The following KCNQ1 variants were observed in gnomAD, a reference collection of about 807,000 sequenced individuals.
The protein encoded by KCNQ1 is potassium voltage-gated channel subfamily Q member 1, also known as potassium voltage-gated channel subfamily KQT member 1.
In KCNQ1, 49 loss-of-function variants were observed where a neutral mutation model predicts 72.4. The ratio of observed to expected loss-of-function variants is 0.68; its 90% CI spans 0.54 to 0.86. The LOEUF (loss-of-function observed/expected upper bound fraction) is 0.86, where lower values mean the gene tolerates loss of function less well. Among genes scored for constraint, KCNQ1 ranks in the 40% least tolerant of loss-of-function variants. The pLI, the probability that KCNQ1 is intolerant of heterozygous loss-of-function variation, is 0.00. For synonymous variants in KCNQ1, 450 were observed against 412.6 expected, an observed-to-expected ratio of 1.09 and a Z score of -1.10; for missense variants, 790 against 945.1, an observed-to-expected ratio of 0.84 and a Z score of 2.15.
chr11:2,675,749 C>G (rs1237722357), intron 11 of KCNQ1: 20 of 398,560 alleles, frequency 5.0e-5, no homozygotes, highest in Non-Finnish European at 7.5e-5. Context: ...GTGACATGAA[C>G]CAGAGACTCA....
rs903105070 is a variant in KCNQ1, at chr11:2,612,249, G to C, written c.1393+23395G>C. ...AGTGATGGCATTAGATTCTCACAGA[G>C]AGCAAATCCTATTGTGAACTGAGCA... On this transcript the variant is annotated intron_variant, in intron 10 of 15. Coordinates refer to ENST00000155840, the MANE Select transcript of KCNQ1 (RefSeq NM_000218.3). The surrounding 1 kb of genome is among the most constrained non-coding windows in gnomAD (Gnocchi z 5.5). The C allele has an allele frequency of 2.5e-6, 1 of 398,458 alleles. No homozygotes were observed. Among genetic ancestry groups the C allele is most frequent in the African/African-American group, 2.1e-5 (1 of 48,616 alleles). The allele number at this position is 398,458 out of a possible 1,614,324, so 24.7% of individuals were successfully genotyped here. A position where few individuals can be genotyped will look rare whatever the true frequency, so the allele number is the denominator to read the frequency against.
Position 2,663,951 on chromosome 11 carries a change from G to A in KCNQ1, c.1514+1870G>A. On this transcript the variant is annotated intron_variant, in intron 11 of 15. Coordinates refer to ENST00000155840, the MANE Select transcript of KCNQ1 (RefSeq NM_000218.3). The surrounding 1 kb of genome is among the most constrained non-coding windows in gnomAD (Gnocchi z 5.2). ...TCTTGTTCCACTCCAGGATGACAGGGCCTGAGAGACCTGAACATCCATCCC... is the reference window on the plus strand; with the variant it reads ...TCTTGTTCCACTCCAGGATGACAGGACCTGAGAGACCTGAACATCCATCCC... 2.5e-6 allele frequency: 1 copy of A among 398,712 alleles called. No individual in the cohort carries two copies. The highest frequency in any genetic ancestry group is 6.3e-4 in the Middle Eastern group (1 of 1,588). The allele number at this position is 398,712 out of a possible 1,614,324, so 24.7% of individuals were successfully genotyped here.
Position 2,724,011 on chromosome 11 carries a change from C to A in KCNQ1, c.1515-44833C>A, listed in dbSNP as rs780646390. 8.5e-5 allele frequency among the ~76,000 whole-genome samples: 13 copies of A among 152,150 alleles called. No homozygotes were observed. Among genetic ancestry groups the A allele is most frequent in the Non-Finnish European group, 1.8e-4 (12 of 68,010 alleles). ...GAAATCAGAACATGGCTCTCTGTGT[C>A]TGACACAGAGCCCTGTACTCCATCT... On this transcript the variant is annotated intron_variant, in intron 11 of 15. Coordinates refer to ENST00000155840, the MANE Select transcript of KCNQ1 (RefSeq NM_000218.3). The surrounding 1 kb of genome is among the most constrained non-coding windows in gnomAD (Gnocchi z 6.8).
At chr11:2,675,906 T>A (rs1322274009) in intron 11 of KCNQ1, 1 of 398,560 alleles carries the variant, frequency 2.5e-6, no homozygotes, top group African/African-American at 2.1e-5. Flanking sequence ...AGGGTTGTGC[T>A]ACAAAAATCA....
chr11:2,464,308 T>C lies in KCNQ1; in HGVS notation c.386+18824T>C, dbSNP rs975108868. 7.9e-5 allele frequency among the ~76,000 whole-genome samples: 12 copies of C among 152,182 alleles called. No individual in the cohort carries two copies. Among genetic ancestry groups the C allele is most frequent in the Admixed American group, 2.6e-4 (4 of 15,280 alleles). ...GTTTTAATCTTTTCATTTTTGCTCATCTGAATTTTCTAATTAAAAATATAT... is the reference window on the plus strand; with the variant it reads ...GTTTTAATCTTTTCATTTTTGCTCACCTGAATTTTCTAATTAAAAATATAT... On this transcript the variant is annotated intron_variant, in intron 1 of 15. Coordinates refer to ENST00000155840, the MANE Select transcript of KCNQ1 (RefSeq NM_000218.3). The surrounding 1 kb of genome is among the most constrained non-coding windows in gnomAD (Gnocchi z 5.0).
chr11:2,607,281 T>C (rs1471122607), intron 10 of KCNQ1, among the ~76,000 whole-genome samples: 3 of 152,190 alleles, frequency 2.0e-5, no homozygotes, highest in Non-Finnish European at 4.4e-5. Context: ...TAGGGCTTTT[T>C]CTCCCATCAT....
In KCNQ1 at chr11:2,495,122, G is replaced by T. The variant is rs1239174915; in HGVS notation, c.387-32806G>T. On this transcript the variant is annotated intron_variant, in intron 1 of 15. Transcript: ENST00000155840. This position sits in a 1 kb window ranked among gnomAD's most constrained non-coding sequence, Gnocchi z 4.6. ...TTTTTCTAGATTTTCTAGTTTATTT[G>T]CATGGAGGTGTTTTTAGTATTCTCT... 6.6e-6 allele frequency among the ~76,000 whole-genome samples: 1 copy of T among 152,144 alleles called. No homozygotes were observed. The highest frequency in any genetic ancestry group is 1.9e-4 in the East Asian group (1 of 5,204).
chr11:2,772,569 C>T lies in KCNQ1; in HGVS notation c.1591-3391C>T, dbSNP rs892734095. Among the ~76,000 whole-genome samples, 4 of 152,128 alleles carry T rather than the reference C, an allele frequency of 2.6e-5. No individual in the cohort carries two copies. Among genetic ancestry groups the T allele is most frequent in the African/African-American group, 7.2e-5 (3 of 41,398 alleles). ...AAGTCTCTGTGGGCTGGGATGCCAC[C>T]GGGCCGTGGGTCCTCATGGTCTGCG... On this transcript the variant is annotated intron_variant, in intron 12 of 15. Transcript: ENST00000155840. The surrounding 1 kb of genome is among the most constrained non-coding windows in gnomAD (Gnocchi z 6.6).
intron 11 of KCNQ1, chr11:2,680,997 T>C: frequency 2.5e-6 from 1 of 398,492 alleles, no homozygotes; most frequent in East Asian, 3.6e-5. Flanking sequence ...GTGAAATAGG[T>C]ATGTGTTCTT....
In KCNQ1 at chr11:2,588,430, C is replaced by T. The variant is rs1420251276; in HGVS notation, c.1252-283C>T. ...CTACTGGTCACAGCCCCTGTTACCA[C>T]CTCCACTGGCACCATCTTGTACGTT... On this transcript the variant is annotated intron_variant, in intron 9 of 15. Transcript: ENST00000155840. This position sits in a 1 kb window ranked among gnomAD's most constrained non-coding sequence, Gnocchi z 5.6. 1.3e-5 allele frequency among the ~76,000 whole-genome samples: 2 copies of T among 152,234 alleles called. No individual in the cohort carries two copies. Among genetic ancestry groups the T allele is most frequent in the East Asian group, 1.9e-4 (1 of 5,196 alleles).
intron 12 of KCNQ1, among the ~76,000 whole-genome samples, chr11:2,770,568 C>T (rs1295562147): frequency 6.6e-6 from 1 of 152,258 alleles, no homozygotes; most frequent in Non-Finnish European, 1.5e-5. Context: ...CCACCTGCAT[C>T]CCCCCAGGGA....
intron 15 of KCNQ1, among the ~76,000 whole-genome samples, chr11:2,821,124 C>A (rs1847728073): frequency 6.6e-6 from 1 of 152,232 alleles, no homozygotes; most frequent in African/African-American, 2.4e-5. Flanking sequence ...TTCGTCCCTG[C>A]AGGGTGGGGT....
intron 1 of KCNQ1, among the ~76,000 whole-genome samples, chr11:2,505,754 A>G (rs1363388323): frequency 6.6e-6 from 1 of 152,100 alleles, no homozygotes; most frequent in African/African-American, 2.4e-5. Context: ...TTCTAGGTTT[A>G]TTATAAAACC....
rs1474824500 is a variant in KCNQ1, at chr11:2,621,086, T to C, written c.1393+32232T>C. The C allele has an allele frequency of 5.0e-6, 2 of 397,256 alleles. No homozygotes were observed. Among genetic ancestry groups the C allele is most frequent in the Non-Finnish European group, 8.9e-6 (2 of 225,870 alleles). 24.6% of individuals were successfully genotyped at this position (397,256 alleles called of 1,614,324 possible). On this transcript the variant is annotated intron_variant, in intron 10 of 15. Coordinates refer to ENST00000155840, the MANE Select transcript of KCNQ1 (RefSeq NM_000218.3). The surrounding 1 kb of genome is among the most constrained non-coding windows in gnomAD (Gnocchi z 5.7). Reference sequence around the variant, plus strand: ...TCCACCTCCTGGGTTCAAGCAATTCTCCTGTCTCAGACTCCTGAGTAGCTG... The same window carrying C: ...TCCACCTCCTGGGTTCAAGCAATTCCCCTGTCTCAGACTCCTGAGTAGCTG...
chr11:2,806,789 C>G (rs1411379922), intron 15 of KCNQ1, among the ~76,000 whole-genome samples: 1 of 152,254 alleles, frequency 6.6e-6, no homozygotes, highest in East Asian at 1.9e-4. Flanking sequence ...CCCTCCCCGC[C>G]CCTCTCTTGT....
chr11:2,769,510 C>G lies in KCNQ1; in HGVS notation c.1590+591C>G, dbSNP rs559101955. ...CTAACTTCTCCAGGGGCATGTCCCC[C>G]CTACAGAAGCCCCTTAGAGCCCCCA... On this transcript the variant is annotated intron_variant, in intron 12 of 15. Coordinates refer to ENST00000155840, the MANE Select transcript of KCNQ1 (RefSeq NM_000218.3). This position sits in a 1 kb window ranked among gnomAD's most constrained non-coding sequence, Gnocchi z 4.6. Among the ~76,000 whole-genome samples the G allele has an allele frequency of 7.2e-5, 11 of 152,236 alleles. No individual in the cohort carries two copies. The highest frequency in any genetic ancestry group is 1.5e-4 in the Non-Finnish European group (10 of 68,038).
intron 11 of KCNQ1, among the ~76,000 whole-genome samples, chr11:2,733,128 C>A (rs1845881523): frequency 6.6e-6 from 1 of 152,252 alleles, no homozygotes; most frequent in African/African-American, 2.4e-5. Flanking sequence ...TGCACGTCTC[C>A]AGTGTCCCTC....
In KCNQ1 at chr11:2,651,109, T is replaced by C; in HGVS notation, c.1394-10852T>C. 1 of 398,728 alleles carries C rather than the reference T, an allele frequency of 2.5e-6. No homozygotes were observed. The allele number at this position is 398,728 out of a possible 1,614,324, so 24.7% of individuals were successfully genotyped here. A position where few individuals can be genotyped will look rare whatever the true frequency, so the allele number is the denominator to read the frequency against. ...TCTTGATTTCCACTCTTGCTTCCTG[T>C]ACTCCATTCTTCACATAACAGCTCA... is the stretch of plus-strand genomic sequence containing the variant. On this transcript the variant is annotated intron_variant, in intron 10 of 15. Coordinates refer to ENST00000155840, the MANE Select transcript of KCNQ1 (RefSeq NM_000218.3). The surrounding 1 kb of genome is among the most constrained non-coding windows in gnomAD (Gnocchi z 6.1).
intron 11 of KCNQ1, chr11:2,666,226 G>A (rs934642769): frequency 2.3e-5 from 9 of 398,458 alleles, no homozygotes; most frequent in Admixed American, 8.8e-5. Context: ...GGGAGCACCC[G>A]GCCCATTGAG....
Sources: gnomAD v4.1 joint callset for allele counts (sites outside exome capture counted in the v4.1 genomes callset) on GRCh38, gnomAD v4.1.1 for gene constraint, Gnocchi (gnomAD v3.1) non-coding constraint, MANE v1.5 for transcripts, NCBI Gene and HGNC (gene_info 2026-07-23, HGNC 2026-07-21) for gene names.